STIMATE: variants seen among roughly 807,000 people sequenced by gnomAD.
The protein encoded by STIMATE is STIM activating enhancer.
Under a neutral mutation model 36.7 loss-of-function variants are expected in STIMATE, and 15 were observed. The observed-to-expected ratio is 0.41, with a 90% CI of 0.27 to 0.63. The LOEUF is 0.63. Among genes scored for constraint, STIMATE ranks in the 20% least tolerant of loss-of-function variants. The probability of loss-of-function intolerance (pLI) is 0.32; values close to 1 mark genes in which losing one functional copy is unlikely to be tolerated. For synonymous variants in STIMATE, 163 were observed against 162.3 expected (o/e 1.00, Z -0.03); for missense variants, 305 against 397.3 (o/e 0.77, Z 1.98).
At chr3:52,876,628 T>G (rs1278896549) in intron 1 of STIMATE, among the ~76,000 whole-genome samples, 1 of 152,270 alleles carries the variant, frequency 6.6e-6, no homozygotes, top group Non-Finnish European at 1.5e-5. Flanking sequence ...CAAGTTTTCA[T>G]GATAATCCAC....
rs1211780535 is a variant in STIMATE at position 52,839,600 on chromosome 3, A to G, written c.*894T>C. 1 of 152,182 alleles carries G rather than the reference A, an allele frequency of 6.6e-6. No individual in the cohort carries two copies. Among genetic ancestry groups the G allele is most frequent in the East Asian group, 1.9e-4 (1 of 5,190 alleles). The allele number at this position is 152,182 out of a possible 1,614,324, so 9.4% of individuals were successfully genotyped here. On this transcript the variant is annotated 3_prime_UTR_variant, in exon 8 of 8. Coordinates refer to ENST00000355083, the MANE Select transcript of STIMATE (RefSeq NM_198563.5). ...CTGTTCCACACTCTGCAGCTCCTGG[A>G]TCTGCATCCAGACCAGCTGCTCCAA... is the stretch of plus-strand genomic sequence containing the variant.
At chr3:52,853,553 C>T (rs751754035) in intron 2 of STIMATE, among the ~76,000 whole-genome samples, 2 of 152,150 alleles carry the variant, frequency 1.3e-5, no homozygotes, top group East Asian at 1.9e-4. Context: ...TCCAGACCAA[C>T]CCAGCGACGG....
chr3:52,860,556 T>C (rs942061897), intron 1 of STIMATE, among the ~76,000 whole-genome samples: 2 of 150,512 alleles, frequency 1.3e-5, no homozygotes, highest in African/African-American at 4.9e-5. Context: ...CAGGCAGCTG[T>C]AGCCACAGCC....
In STIMATE at chr3:52,836,828, G is replaced by A. The variant is rs558681396; in HGVS notation, c.*3666C>T. 1.8e-5 allele frequency: 5 copies of A among 282,158 alleles called. No homozygotes were observed. The highest frequency in any genetic ancestry group is 8.5e-5 in the Admixed American group (2 of 23,470). The allele number at this position is 282,158 out of a possible 1,614,324, so 17.5% of individuals were successfully genotyped here. ...ATCTTCTCTTTCATTTCAAAAAAAC[G>A]TTTCCATGAATCCTACCACCACCGA... On this transcript the variant is annotated 3_prime_UTR_variant, in exon 8 of 8. Transcript: ENST00000355083.
At chr3:52,894,170 C>G (rs867198877) in intron 1 of STIMATE, among the ~76,000 whole-genome samples, 3 of 152,240 alleles carry the variant, frequency 2.0e-5, no homozygotes, top group Admixed American at 6.5e-5. Context: ...CTAGCAGACA[C>G]TTCAGAAAAC....
At chr3:52,862,180 C>T (rs1044193878) in intron 1 of STIMATE, among the ~76,000 whole-genome samples, 1 of 152,208 alleles carries the variant, frequency 6.6e-6, no homozygotes, top group Non-Finnish European at 1.5e-5. Flanking sequence ...TACTCTCCTC[C>T]TTCCTTCCCA....
chr3:52,870,039 A>G (rs1575340189), intron 1 of STIMATE, among the ~76,000 whole-genome samples: 1 of 152,140 alleles, frequency 6.6e-6, no homozygotes, highest in South Asian at 2.1e-4. Flanking sequence ...GAGGAAGAGT[A>G]AATCTTTAAG....
At chr3:52,843,889 C>A (rs374859168) in intron 5 of STIMATE, 91 bp from the exon 6 acceptor site, 30 of 1,564,956 alleles carry the variant, frequency 1.9e-5, no homozygotes, top group East Asian at 9.0e-5. Flanking sequence ...CCTGAGGGAG[C>A]CTTAGCTTAA....
chr3:52,865,048 G>A (rs1701280581), intron 1 of STIMATE, among the ~76,000 whole-genome samples: 1 of 151,912 alleles, frequency 6.6e-6, no homozygotes, highest in Non-Finnish European at 1.5e-5. Flanking sequence ...CCGGGTTCAA[G>A]CAATTCTCTT....
At position 52,855,655 on chromosome 3, in the gene STIMATE, C is replaced by T. The variant is rs188758338; in HGVS notation, c.161-211G>A. Among the ~76,000 whole-genome samples, 122 of 152,322 alleles carry T rather than the reference C, an allele frequency of 8.0e-4. 1 individual carries two copies. Among genetic ancestry groups the T allele is most frequent in the African/African-American group, 2.8e-3 (118 of 41,572 alleles). Reference sequence around the variant, plus strand: ...GGTATGGACTCTTTAGAACTGGACACTTAGGGAGAAGGACTCCTCATAGCA... The same window carrying T: ...GGTATGGACTCTTTAGAACTGGACATTTAGGGAGAAGGACTCCTCATAGCA... On this transcript the variant is annotated intron_variant, in intron 1 of 7. Transcript: ENST00000355083.
intron 1 of STIMATE, among the ~76,000 whole-genome samples, 149 bp downstream of exon 1, chr3:52,897,136 GCTACCC>G (rs1244928499): frequency 1.3e-5 from 2 of 152,160 alleles, no homozygotes; most frequent in Non-Finnish European, 2.9e-5. Flanking sequence ...AGGGGCTCGG[GCTACCC>G]CTAGTGCAGG....
intron 3 of STIMATE, among the ~76,000 whole-genome samples, chr3:52,851,663 T>TTTAAC (rs35760000): frequency 1.7e-4 from 1 of 5,770 alleles, no homozygotes; most frequent in South Asian, 4.0e-3. Context: ...TCTCAGATAC[T>TTTAAC]TTGTGTCCAA....
intron 1 of STIMATE, among the ~76,000 whole-genome samples, chr3:52,863,062 C>T (rs1044234751): frequency 6.6e-6 from 1 of 152,144 alleles, no homozygotes; most frequent in Non-Finnish European, 1.5e-5. Context: ...GGACTTGGGG[C>T]CTCAGAACAG....
chr3:52,881,006 T>C (rs999629502), intron 1 of STIMATE, among the ~76,000 whole-genome samples: 1 of 151,792 alleles, frequency 6.6e-6, no homozygotes, highest in Non-Finnish European at 1.5e-5. Context: ...CTGACCAACA[T>C]GGTGAAACCC....
chr3:52,897,146 G>C (rs770652142), intron 1 of STIMATE, 145 bp downstream of exon 1: 302 of 1,089,416 alleles, frequency 2.8e-4, no homozygotes, highest in Middle Eastern at 9.2e-4. Flanking sequence ...GCTACCCCTA[G>C]TGCAGGAATA....
chr3:52,863,213 C>T (rs912629796), intron 1 of STIMATE, among the ~76,000 whole-genome samples: 1 of 152,210 alleles, frequency 6.6e-6, no homozygotes, highest in Non-Finnish European at 1.5e-5. Flanking sequence ...CTGATAAAGA[C>T]ATACCCGAGA....
At chr3:52,852,129 T>C (rs1424542016) in intron 3 of STIMATE, among the ~76,000 whole-genome samples, 1 of 152,152 alleles carries the variant, frequency 6.6e-6, no homozygotes, top group Non-Finnish European at 1.5e-5. Flanking sequence ...AGGTCACAGA[T>C]GGATTGCTCT....
chr3:52,844,118 G>A (rs956483791), intron 5 of STIMATE, among the ~76,000 whole-genome samples: 2 of 152,138 alleles, frequency 1.3e-5, no homozygotes, highest in Non-Finnish European at 2.9e-5. Flanking sequence ...TCAGGGGGCT[G>A]GAGGGGTGAA....
intron 1 of STIMATE, among the ~76,000 whole-genome samples, chr3:52,862,103 C>T (rs1701227463): frequency 6.6e-6 from 1 of 152,216 alleles, no homozygotes; most frequent in African/African-American, 2.4e-5. Context: ...CTCCTGCCCA[C>T]TCTGCTAGTC....
Sources: gnomAD v4.1 joint callset for allele counts (sites outside exome capture counted in the v4.1 genomes callset) on GRCh38, gnomAD v4.1.1 for gene constraint, MANE v1.5 for transcripts, NCBI Gene and HGNC (gene_info 2026-07-23, HGNC 2026-07-21) for gene names.